Variants in PRAMEF11 observed in about 807,000 individuals in gnomAD.
PRAMEF11 encodes the protein PRAME family member 11.
PRAMEF11 carries 17 observed loss-of-function variants against 33.6 expected under a neutral mutation model. That is an observed-to-expected ratio of 0.51 (90% CI 0.35 to 0.76). The LOEUF (loss-of-function observed/expected upper bound fraction) is 0.76, where lower values mean the gene tolerates loss of function less well. Among genes scored for constraint, PRAMEF11 ranks in the 30% least tolerant of loss-of-function variants. The probability of loss-of-function intolerance (pLI) is 0.01; values close to 1 mark genes in which losing one functional copy is unlikely to be tolerated. For missense variants in PRAMEF11, 568 were observed against 567.0 expected (o/e 1.00, Z -0.02); for synonymous variants, 205 against 227.3 (o/e 0.90, Z 0.88).
In PRAMEF11 at chr1:12,827,600, T is replaced by C. The variant is rs748237154; in HGVS notation, c.524A>G (p.Gln175Arg). 1.2e-5 allele frequency: 20 copies of C among 1,609,576 alleles called. No homozygotes were observed. The highest frequency in any genetic ancestry group is 1.7e-5 in the Non-Finnish European group (20 of 1,177,678). ...GCACAGGTGTAGTAAATCTCTCCTC[T>C]GCTTGACCCATAGAAGGAGGCAGGT... ...YLTCLLLWVK[Q>R]RRDLLHLCCK... Residue 175 changes from glutamine (Q) to arginine (R), a missense_variant, in exon 3 of 4, where the codon CAG (glutamine) becomes CGG (arginine). This residue lies in a region of PRAMEF11 where 342 missense variants were observed against 312.0 expected (regional missense o/e 1.10). Transcript: ENST00000619922.
chr1:12,830,499 A>T (rs1048494407), intron 1 of PRAMEF11, among the ~76,000 whole-genome samples: 4 of 151,182 alleles, frequency 2.6e-5, no homozygotes, highest in African/African-American at 9.7e-5. Context: ...AATTAAGGTC[A>T]AAGATCCTTT....
chr1:12,828,681 G>C lies in PRAMEF11; in HGVS notation c.109C>G (p.Leu37Val), dbSNP rs763600812. The C allele has an allele frequency of 2.5e-6, 4 of 1,610,566 alleles. No individual in the cohort carries two copies. The Admixed American group carries it at 5.0e-5, about 20-fold the overall frequency. The change falls in exon 2 of 4, where the codon CTT becomes GTT. Residue 37 changes from leucine to valine, a missense_variant. Leu to Val is a conservative substitution (Grantham distance 32). Around this residue, in one of 3 missense-constraint regions of PRAMEF11, gnomAD observed 342 missense variants for 312.0 expected, o/e 1.10. Transcript: ENST00000619922. ...VSTLEELPTE[L>V]FPPLFMEAFS... ...GCCTCCATGAACAGTGGGGGGAAAA[G>C]TTCCGTGGGCAGCTCCTCCAGGGTG... is the stretch of plus-strand genomic sequence containing the variant.
chr1:12,827,683 C>A lies in PRAMEF11; in HGVS notation c.441G>T (p.Gln147His). ...AAAGTTCTACAAACACAGTCAAGGG[C>A]TGCCGTCCTCTCATCCTTGGACAGT... Reference protein sequence around the residue: ...VQDCPRMRGRQPLTVFVELWL... With the variant: ...VQDCPRMRGRHPLTVFVELWL... Residue 147 changes from glutamine to histidine, a missense_variant, in exon 3 of 4, where the codon CAG becomes CAT. Transcript: ENST00000619922. 3 of 1,609,868 alleles carry A rather than the reference C, an allele frequency of 1.9e-6. No homozygotes were observed. Among genetic ancestry groups the A allele is most frequent in the Non-Finnish European group, 1.7e-6 (2 of 1,177,836 alleles).
chr1:12,824,847 T>A lies in PRAMEF11; in HGVS notation c.*95A>T. 1 of 1,540,080 alleles carries A rather than the reference T, an allele frequency of 6.5e-7. No homozygotes were observed. The highest frequency in any genetic ancestry group is 8.9e-7 in the Non-Finnish European group (1 of 1,129,082). On this transcript the variant is annotated 3_prime_UTR_variant, in exon 4 of 4. Transcript: ENST00000619922. ...AGAGCCCATGTGTGAAACGATGGGT[T>A]CTGTGCTCCCTTTAGGATGTACCTA...
At chr1:12,829,990 A>C in intron 1 of PRAMEF11, among the ~76,000 whole-genome samples, 1 of 151,474 alleles carries the variant, frequency 6.6e-6, no homozygotes, top group Non-Finnish European at 1.5e-5. Context: ...ATCAAAATGA[A>C]AGATTTAGGG....
At position 12,825,174 on chromosome 1, in the gene PRAMEF11, C is replaced by T. The variant is rs74055695; in HGVS notation, c.1205G>A (p.Ser402Asn). 1,120 of 1,608,594 alleles carry T rather than the reference C, an allele frequency of 7.0e-4. 34 individuals carry two copies. The African/African-American group carries it at 0.013, about 19-fold the overall frequency. ...TAAGTTTTTGAGTATGATTGTGTGG[C>T]TCAGCAGGTTCTCCAGGGTGGCCAT... ...ICMATLENLL[S>N]HTIILKNLCL... Residue 402 changes from serine (S) to asparagine (N), a missense_variant, in exon 4 of 4, where the codon AGC becomes AAC. By Grantham distance (46) the Ser-to-Asn change is conservative. Coordinates refer to ENST00000619922, the MANE Select transcript of PRAMEF11 (RefSeq NM_001146344.3).
Position 12,827,846 on chromosome 1 carries a change from G to A in PRAMEF11, c.294-16C>T. On this transcript the variant is annotated splice_polypyrimidine_tract_variant and intron_variant, in intron 2 of 3. Coordinates refer to ENST00000619922, the MANE Select transcript of PRAMEF11 (RefSeq NM_001146344.3). ...TTTCCATCTCCTGTGGGAAAATAGA[G>A]GTGAGACTGAGAATTTAAGAACTCA... is the stretch of plus-strand genomic sequence containing the variant. The A allele has an allele frequency of 6.2e-7, 1 of 1,606,026 alleles. No homozygotes were observed. The highest frequency in any genetic ancestry group is 8.5e-7 in the Non-Finnish European group (1 of 1,177,952).
intron 2 of PRAMEF11, 111 bp downstream of exon 2, chr1:12,828,386 C>T (rs1464249702): frequency 4.2e-6 from 6 of 1,431,440 alleles, no homozygotes; most frequent in South Asian, 1.3e-5. Flanking sequence ...CAAGTCCTCT[C>T]GGCTTCCTCA....
Position 12,824,987 on chromosome 1 carries a change from G to T in PRAMEF11, c.1392C>A (p.Gly464=), listed in dbSNP as rs758547297. The stretch of plus-strand genomic sequence containing the variant: ...CCTCCAGGTCATAAAATGACCTGTC[G>T]CCATGGTCAGGGCAGTTGTCAGTAC... The part of the protein sequence containing the change: ...LFCTDNCPDH[G]DRSFYDLEAD... Residue 464 remains glycine, a synonymous_variant, in exon 4 of 4, where the codon GGC becomes GGA. Transcript: ENST00000619922. 4 of 1,609,684 alleles carry T rather than the reference G, an allele frequency of 2.5e-6. No homozygotes were observed. Among genetic ancestry groups the T allele is most frequent in the South Asian group, 1.1e-5 (1 of 90,466 alleles).
chr1:12,826,009 G>C (rs188053254), intron 3 of PRAMEF11, among the ~76,000 whole-genome samples: 1 of 149,760 alleles, frequency 6.7e-6, no homozygotes, highest in Admixed American at 6.7e-5. Flanking sequence ...TCCATTTCAG[G>C]CTGAGTCATT....
intron 1 of PRAMEF11, 44 bp downstream of exon 1, chr1:12,831,312 C>G (rs1276141669): frequency 6.6e-6 from 1 of 151,148 alleles, no homozygotes; most frequent in African/African-American, 2.4e-5. Flanking sequence ...GACTGACTGA[C>G]TGTAGGTCAG....
rs546942645 is a variant in PRAMEF11, at chr1:12,831,397, G to T, written c.-58C>A. ...CTAGAAGGTGCTCAGACCTCAGGAA[G>T]AACCAAGCAGGAACTCCAGGCTTGA... is the stretch of plus-strand genomic sequence containing the variant. On this transcript the variant is annotated 5_prime_UTR_variant, in exon 1 of 4. Transcript: ENST00000619922. 1 of 151,148 alleles carries T rather than the reference G, an allele frequency of 6.6e-6. No individual in the cohort carries two copies. The highest frequency in any genetic ancestry group is 1.5e-5 in the Non-Finnish European group (1 of 67,744). 9.4% of individuals were successfully genotyped at this position (151,148 alleles called of 1,614,324 possible). A position where few individuals can be genotyped will look rare whatever the true frequency, so the allele number is the denominator to read the frequency against.
At chr1:12,830,106 C>T (rs12037045) in intron 1 of PRAMEF11, among the ~76,000 whole-genome samples, 15,733 of 146,848 alleles carry the variant, frequency 0.11, 1,262 homozygotes, top group East Asian at 0.17. Flanking sequence ...AAGGGTTGAA[C>T]CTCTTCCTGA....
intron 2 of PRAMEF11, 42 bp downstream of exon 2, chr1:12,828,455 G>A: frequency 2.5e-6 from 4 of 1,571,546 alleles, no homozygotes; most frequent in Non-Finnish European, 3.5e-6. Context: ...CCTTCAGTTG[G>A]ACACCTGGGC....
chr1:12,828,258 G>C (rs1265494413), intron 2 of PRAMEF11, among the ~76,000 whole-genome samples: 1 of 147,314 alleles, frequency 6.8e-6, no homozygotes, highest in African/African-American at 2.5e-5. Context: ...GAGCCACCGT[G>C]CCCGGCCCAG....
intron 3 of PRAMEF11, among the ~76,000 whole-genome samples, chr1:12,827,011 A>G (rs1639883103): frequency 1.3e-5 from 2 of 151,142 alleles, no homozygotes; most frequent in African/African-American, 2.4e-5. Flanking sequence ...CCCAGTAGCT[A>G]GCTTCCTAGC....
intron 1 of PRAMEF11, among the ~76,000 whole-genome samples, chr1:12,830,139 C>A (rs1265586795): frequency 6.6e-6 from 1 of 151,288 alleles, no homozygotes; most frequent in African/African-American, 2.4e-5. Flanking sequence ...AGAAAGAAAA[C>A]TTGAAAGTAT....
chr1:12,827,951 C>G, intron 2 of PRAMEF11, 121 bp from the exon 3 acceptor site: 1 of 1,540,040 alleles, frequency 6.5e-7, no homozygotes, highest in Non-Finnish European at 8.8e-7. Context: ...GTTTTCTTCA[C>G]CCTGTTTTCC....
rs1375121811 is a variant in PRAMEF11 at position 12,828,647 on chromosome 1, C to T, written c.143G>A (p.Arg48Lys). Residue 48 changes from arginine to lysine, a missense_variant, in exon 2 of 4, where the codon AGG becomes AAG. This residue lies in a region of PRAMEF11 where 342 missense variants were observed against 312.0 expected (regional missense o/e 1.10). Transcript: ENST00000619922. ...CAGCTTCAGGGCCTCACAGCGTCTC[C>T]TGCTGAAGGCCTCCATGAACAGTGG... is the stretch of plus-strand genomic sequence containing the variant. ...FPPLFMEAFS[R>K]RRCEALKLMV... 6.2e-7 allele frequency: 1 copy of T among 1,610,462 alleles called. No individual in the cohort carries two copies.
Sources: allele counts gnomAD v4.1 joint callset (sites outside exome capture counted in the v4.1 genomes callset), GRCh38; gene constraint gnomAD v4.1.1; regional missense constraint gnomAD v4.1.1; transcripts MANE v1.5; gene names NCBI Gene and HGNC (gene_info 2026-07-23, HGNC 2026-07-21).